SNX29: variants seen among roughly 807,000 people sequenced by gnomAD.
SNX29 encodes the protein sorting nexin-29.
A neutral mutation model predicts 102.1 loss-of-function variants in SNX29; 78 were observed. That is an observed-to-expected ratio of 0.76 (90% CI 0.64 to 0.92). SNX29 has a LOEUF of 0.92. Among genes scored for constraint, SNX29 ranks in the 40% least tolerant of loss-of-function variants. The pLI, the probability that SNX29 is intolerant of heterozygous loss-of-function variation, is 0.00. For missense variants in SNX29, 1,280 were observed against 1,061.7 expected, an observed-to-expected ratio of 1.21 and a Z score of -2.86; for synonymous variants, 580 against 414.5, an observed-to-expected ratio of 1.40 and a Z score of -4.85.
At chr16:11,985,602 C>A (rs1276878762) in intron 1 of SNX29, among the ~76,000 whole-genome samples, 1 of 152,212 alleles carries the variant, frequency 6.6e-6, no homozygotes, top group South Asian at 2.1e-4. Context: ...CATCCTGCAA[C>A]CCATCACTGT....
chr16:12,440,320 T>C (rs1338288748), intron 18 of SNX29, among the ~76,000 whole-genome samples: 4 of 152,156 alleles, frequency 2.6e-5, no homozygotes, highest in Non-Finnish European at 4.4e-5. Context: ...CCATCACCAC[T>C]CTAATTCCAG....
At chr16:12,565,082 A>G (rs755079147) in intron 20 of SNX29, among the ~76,000 whole-genome samples, 1 of 152,164 alleles carries the variant, frequency 6.6e-6, no homozygotes, top group Non-Finnish European at 1.5e-5. Context: ...GTGGGGACAC[A>G]TGGGGTCGTC....
intron 1 of SNX29, among the ~76,000 whole-genome samples, chr16:11,984,393 G>GAAAAGAAAA (rs1359589462): frequency 9.2e-6 from 1 of 108,760 alleles, no homozygotes. Context: ...AAAAAGAAAA[G>GAAAAGAAAA]ATTGAGACTG....
intron 18 of SNX29, among the ~76,000 whole-genome samples, chr16:12,456,527 G>GTA (rs1444071694): frequency 6.6e-6 from 1 of 152,026 alleles, no homozygotes; most frequent in African/African-American, 2.4e-5. Context: ...GTGTGTGTGT[G>GTA]TGTATGTGCA....
At chr16:12,462,212 C>A (rs1020226917) in intron 18 of SNX29, among the ~76,000 whole-genome samples, 2 of 151,426 alleles carry the variant, frequency 1.3e-5, no homozygotes, top group African/African-American at 4.9e-5. Context: ...TGGGCTGGAC[C>A]CTGCTTCCAT....
At chr16:12,314,614 T>C (rs1050097808) in intron 15 of SNX29, among the ~76,000 whole-genome samples, 1 of 152,242 alleles carries the variant, frequency 6.6e-6, no homozygotes, top group Non-Finnish European at 1.5e-5. Flanking sequence ...CTTAAGTCTT[T>C]ATTTTAAAAA....
At chr16:12,156,896 G>T (rs2055575475) in intron 13 of SNX29, among the ~76,000 whole-genome samples, 2 of 151,906 alleles carry the variant, frequency 1.3e-5, no homozygotes, top group African/African-American at 4.8e-5. Context: ...GGACCAGGGG[G>T]CATTTTCACT....
intron 19 of SNX29, among the ~76,000 whole-genome samples, chr16:12,523,920 CTT>C (rs755059373): frequency 4.6e-5 from 7 of 152,112 alleles, no homozygotes; most frequent in Non-Finnish European, 2.9e-5. Context: ...GAGTTTCGCT[CTT>C]GTTGCCCGGG....
At chr16:12,013,140 G>C (rs1167316107) in intron 3 of SNX29, among the ~76,000 whole-genome samples, 1 of 151,512 alleles carries the variant, frequency 6.6e-6, no homozygotes, top group Non-Finnish European at 1.5e-5. Context: ...GAGATTCAGT[G>C]ATTACCCAGA....
rs539477972 is a variant in SNX29, at chr16:12,125,360, T to C, written c.1403-1273T>C. ...CTTTCTATGATGGATTTTTAAAAGATTCCCACTACCAGAGTACTGCTTTGG... is the reference window on the plus strand; with the variant it reads ...CTTTCTATGATGGATTTTTAAAAGACTCCCACTACCAGAGTACTGCTTTGG... On this transcript the variant is annotated intron_variant, in intron 11 of 20. Coordinates refer to ENST00000566228, the MANE Select transcript of SNX29 (RefSeq NM_032167.5). Among the ~76,000 whole-genome samples, 5 of 152,232 alleles carry C rather than the reference T, an allele frequency of 3.3e-5. No individual in the cohort carries two copies. In the East Asian group the frequency reaches 9.7e-4, roughly 29 times the overall value.
At chr16:12,307,223 A>G (rs1038044914) in intron 15 of SNX29, among the ~76,000 whole-genome samples, 3 of 152,098 alleles carry the variant, frequency 2.0e-5, no homozygotes, top group Admixed American at 1.3e-4. Context: ...CTTGGTCTAC[A>G]TTTTTTCCTC....
intron 3 of SNX29, among the ~76,000 whole-genome samples, chr16:12,020,126 A>G (rs1215098310): frequency 6.6e-6 from 1 of 150,936 alleles, no homozygotes. Context: ...CAGTTTCTAA[A>G]CTTTTTTTTT....
chr16:12,520,639 C>A (rs1156640172), intron 19 of SNX29, among the ~76,000 whole-genome samples: 1 of 152,186 alleles, frequency 6.6e-6, no homozygotes, highest in Non-Finnish European at 1.5e-5. Flanking sequence ...GAAATCATGT[C>A]TTTTGCGGCA....
intron 20 of SNX29, chr16:12,527,430 A>T: frequency 2.3e-6 from 1 of 437,404 alleles, no homozygotes. Flanking sequence ...ATAAATTTTG[A>T]CAGATTTTCT....
intron 14 of SNX29, among the ~76,000 whole-genome samples, chr16:12,216,193 A>T (rs997830295): frequency 6.6e-6 from 1 of 152,252 alleles, no homozygotes; most frequent in Non-Finnish European, 1.5e-5. Context: ...AAAAAGGAGA[A>T]AATAAAATAT....
chr16:12,321,014 C>G (rs1446970606), intron 15 of SNX29, among the ~76,000 whole-genome samples: 2 of 152,202 alleles, frequency 1.3e-5, no homozygotes, highest in Non-Finnish European at 2.9e-5. Context: ...GGCCTGAGCA[C>G]AACCTGTTGA....
chr16:12,525,724 A>G (rs1341458610), intron 20 of SNX29, among the ~76,000 whole-genome samples: 1 of 135,768 alleles, frequency 7.4e-6, no homozygotes, highest in Non-Finnish European at 1.6e-5. Flanking sequence ...AAAAGAAAAA[A>G]TCATTACACT....
intron 15 of SNX29, among the ~76,000 whole-genome samples, chr16:12,319,386 G>A (rs1017165538): frequency 7.9e-5 from 12 of 152,130 alleles, no homozygotes; most frequent in East Asian, 1.9e-4. Flanking sequence ...TCCAGCTACT[G>A]GGGAGGCTGA....
chr16:12,414,620 GA>G (rs1246444710), intron 18 of SNX29, among the ~76,000 whole-genome samples: 1 of 152,148 alleles, frequency 6.6e-6, no homozygotes, highest in African/African-American at 2.4e-5. Context: ...TCCCTCACCT[GA>G]AGGGAGATTT....
Sources: gnomAD v4.1 joint callset for allele counts (sites outside exome capture counted in the v4.1 genomes callset) on GRCh38, gnomAD v4.1.1 for gene constraint, MANE v1.5 for transcripts, NCBI Gene and HGNC (gene_info 2026-07-23, HGNC 2026-07-21) for gene names.